The following TMEM181 variants were observed in gnomAD, a reference collection of about 807,000 sequenced individuals.
The protein encoded by TMEM181 is G protein-coupled receptor 178.
TMEM181 carries 39 observed loss-of-function variants against 71.9 expected under a neutral mutation model. The ratio of observed to expected loss-of-function variants is 0.54; its 90% CI spans 0.42 to 0.71. The LOEUF is 0.71. TMEM181 is among the 30% of genes least tolerant of loss of function. The pLI is 0.00. For missense variants in TMEM181, 595 were observed against 583.0 expected, an observed-to-expected ratio of 1.02 and a Z score of -0.21; for synonymous variants, 245 against 228.8, an observed-to-expected ratio of 1.07 and a Z score of -0.64.
At chr6:158,555,245 C>A (rs4709212), upstream of TMEM181, among the ~76,000 whole-genome samples, 45,309 of 152,094 alleles carry the variant, frequency 0.3, 7,212 homozygotes, top group East Asian at 0.56. Flanking sequence ...ACAGAGACAC[C>A]TTATATTATT....
intron 1 of TMEM181, among the ~76,000 whole-genome samples, chr6:158,567,491 A>G (rs1365313566): frequency 2.6e-5 from 4 of 152,180 alleles, no homozygotes; most frequent in Non-Finnish European, 5.9e-5. Context: ...AATGGTTTCA[A>G]CTGTGGGCAG....
chr6:158,614,184 G>T (rs1232410240), intron 10 of TMEM181, among the ~76,000 whole-genome samples: 1 of 152,182 alleles, frequency 6.6e-6, no homozygotes, highest in Admixed American at 6.5e-5. Flanking sequence ...GCCTTCTGCA[G>T]CACCCAAAGG....
intron 10 of TMEM181, among the ~76,000 whole-genome samples, chr6:158,612,456 A>G (rs1785386484): frequency 6.6e-6 from 1 of 152,230 alleles, no homozygotes. Flanking sequence ...TGAAATAGCC[A>G]TGCTCCTGTC....
intron 6 of TMEM181, among the ~76,000 whole-genome samples, chr6:158,604,490 G>A (rs1200298758): frequency 6.6e-6 from 1 of 152,220 alleles, no homozygotes. Context: ...GTCTGGTTAT[G>A]GACCTGGCTC....
At chr6:158,602,200 G>C (rs1784708024) in intron 6 of TMEM181, among the ~76,000 whole-genome samples, 1 of 152,144 alleles carries the variant, frequency 6.6e-6, no homozygotes, top group African/African-American at 2.4e-5. Flanking sequence ...GTTTCACGTA[G>C]CATAATTATT....
intron 10 of TMEM181, among the ~76,000 whole-genome samples, chr6:158,615,343 C>T (rs1305225852): frequency 6.6e-6 from 1 of 152,004 alleles, no homozygotes; most frequent in African/African-American, 2.4e-5. Context: ...TTGTTTGATG[C>T]TTTCTTGTAA....
chr6:158,611,064 C>T (rs149452073), intron 10 of TMEM181: 160 of 462,270 alleles, frequency 3.5e-4, no homozygotes, highest in African/African-American at 2.9e-3. Flanking sequence ...TCCAGAAACT[C>T]GAGGGGTGGA....
chr6:158,595,519 C>A (rs1398959268), intron 6 of TMEM181, among the ~76,000 whole-genome samples: 1 of 152,140 alleles, frequency 6.6e-6, no homozygotes, highest in Non-Finnish European at 1.5e-5. Flanking sequence ...TCTTAATAGC[C>A]AAACTGTAAA....
chr6:158,630,067 T>C lies in TMEM181; in HGVS notation c.1282+248T>C, dbSNP rs571720774. ...ATTTTATTAGTGTCAGTCCCCAGCT[T>C]TTGCTGTTCAGTTTGGGATTTTTTG... On this transcript the variant is annotated intron_variant, in intron 15 of 16. Transcript: ENST00000684151. Among the ~76,000 whole-genome samples, 3 of 152,332 alleles carry C rather than the reference T, an allele frequency of 2.0e-5. No homozygotes were observed. In the South Asian group the frequency reaches 6.2e-4, roughly 32 times the overall value.
intron 10 of TMEM181, among the ~76,000 whole-genome samples, chr6:158,613,227 A>T (rs1470678543): frequency 6.6e-6 from 1 of 152,210 alleles, no homozygotes; most frequent in Non-Finnish European, 1.5e-5. Flanking sequence ...AGAATTTAAC[A>T]GGTGTGCTAT....
At chr6:158,571,718 G>T (rs1018392001) in intron 1 of TMEM181, among the ~76,000 whole-genome samples, 7 of 152,252 alleles carry the variant, frequency 4.6e-5, no homozygotes, top group Non-Finnish European at 1.0e-4. Flanking sequence ...TTCACACTTT[G>T]CAGGGCTTGC....
chr6:158,631,699 T>A, intron 16 of TMEM181, 111 bp from the exon 17 acceptor site: 1 of 1,264,648 alleles, frequency 7.9e-7, no homozygotes, highest in Non-Finnish European at 1.1e-6. Context: ...GATAGAAAAT[T>A]GAAAGAGCGA....
rs1785108190 is a variant in TMEM181, at chr6:158,608,653, T to G, written c.805-6T>G. On this transcript the variant is annotated splice_polypyrimidine_tract_variant and splice_region_variant and intron_variant, in intron 9 of 16. Coordinates refer to ENST00000684151, the MANE Select transcript of TMEM181 (RefSeq NM_001376852.1). ...TATTTCTTACTTCTTATTTTTTTCT[T>G]TTTAGGGAGAAAGAAAGTGTTTAAC... 6.2e-7 allele frequency: 1 copy of G among 1,600,180 alleles called. No homozygotes were observed. Among genetic ancestry groups the G allele is most frequent in the African/African-American group, 1.4e-5 (1 of 73,682 alleles).
At chr6:158,582,783 T>C (rs1476334987) in intron 3 of TMEM181, among the ~76,000 whole-genome samples, 1 of 152,200 alleles carries the variant, frequency 6.6e-6, no homozygotes, top group Admixed American at 6.5e-5. Context: ...CCTGCTGCTA[T>C]TAAACACCAG....
intron 10 of TMEM181, among the ~76,000 whole-genome samples, chr6:158,608,990 T>G (rs1785130213): frequency 6.6e-6 from 1 of 151,126 alleles, no homozygotes; most frequent in Admixed American, 6.6e-5. Flanking sequence ...CCCAGCTCCC[T>G]GGGAGGCTGA....
At chr6:158,597,197 C>T (rs1332268355) in intron 6 of TMEM181, among the ~76,000 whole-genome samples, 1 of 152,144 alleles carries the variant, frequency 6.6e-6, no homozygotes, top group Non-Finnish European at 1.5e-5. Context: ...GTTCTCAACC[C>T]CATTTTCCAT....
chr6:158,595,047 A>G (rs1413999272), intron 6 of TMEM181, among the ~76,000 whole-genome samples: 6 of 152,182 alleles, frequency 3.9e-5, no homozygotes, highest in Admixed American at 3.9e-4. Context: ...ATTTGTTATA[A>G]TGCCTTTTCT....
intron 1 of TMEM181, among the ~76,000 whole-genome samples, chr6:158,561,555 G>A (rs1407456125): frequency 6.6e-6 from 1 of 152,212 alleles, no homozygotes; most frequent in Non-Finnish European, 1.5e-5. Flanking sequence ...GGCTGGGTGT[G>A]CTTTTTCAGT....
chr6:158,604,288 C>G (rs971148883), intron 6 of TMEM181, among the ~76,000 whole-genome samples: 1 of 152,200 alleles, frequency 6.6e-6, no homozygotes, highest in African/African-American at 2.4e-5. Flanking sequence ...CCCTTCATTG[C>G]TTCCTCAGGT....
Sources: allele counts gnomAD v4.1 joint callset (sites outside exome capture counted in the v4.1 genomes callset), GRCh38; gene constraint gnomAD v4.1.1; transcripts MANE v1.5; gene names NCBI Gene and HGNC (gene_info 2026-07-23, HGNC 2026-07-21).